UBE3D: variants seen among roughly 807,000 people sequenced by gnomAD.
UBE3D encodes the protein E3 ubiquitin-protein ligase E3D.
In UBE3D, 48 loss-of-function variants were observed where a neutral mutation model predicts 49.6. That is an observed-to-expected ratio of 0.97 (90% CI 0.77 to 1.23). The LOEUF (loss-of-function observed/expected upper bound fraction) is 1.23. Among genes scored for constraint, UBE3D ranks in the 50% most tolerant of loss-of-function variants. UBE3D has a pLI of 0.00. For synonymous variants in UBE3D, 189 were observed against 174.2 expected (o/e 1.08, Z -0.67); for missense variants, 452 against 468.4 (o/e 0.96, Z 0.32).
At chr6:82,945,643 T>G (rs1582428197) in intron 9 of UBE3D, among the ~76,000 whole-genome samples, 1 of 152,128 alleles carries the variant, frequency 6.6e-6, no homozygotes, top group Non-Finnish European at 1.5e-5. Flanking sequence ...CAGAAAAACA[T>G]GACCTCACCA....
chr6:82,920,474 A>T lies in UBE3D; in HGVS notation c.1150-27432T>A, dbSNP rs529335129. On this transcript the variant is annotated intron_variant, in intron 9 of 9. Transcript: ENST00000369747. ...ACACATTTTGCTGCCTTTTAAAATA[A>T]CAATGCACCAAATATAAACAGATTC... Among the ~76,000 whole-genome samples, 36 of 152,356 alleles carry T rather than the reference A, an allele frequency of 2.4e-4. No individual in the cohort carries two copies. In the Middle Eastern group the frequency reaches 0.01, roughly 43 times the overall value.
intron 9 of UBE3D, among the ~76,000 whole-genome samples, chr6:82,925,645 T>C (rs1479758264): frequency 1.3e-5 from 2 of 152,118 alleles, no homozygotes; most frequent in African/African-American, 4.8e-5. Flanking sequence ...CTGGATGGCA[T>C]GTTGGGCTCT....
At chr6:83,058,076 T>C (rs1218707579) in intron 1 of UBE3D, 54 bp from the exon 2 acceptor site, 16 of 1,576,580 alleles carry the variant, frequency 1.0e-5, no homozygotes, top group African/African-American at 1.4e-5. Context: ...GAAAACCACA[T>C]GATGAAAGAA....
chr6:83,029,575 T>G (rs989594919), intron 5 of UBE3D, among the ~76,000 whole-genome samples: 13 of 152,366 alleles, frequency 8.5e-5, no homozygotes, highest in Admixed American at 4.6e-4. Context: ...CTGTGCTTAC[T>G]AAGTACCTGC....
intron 9 of UBE3D, among the ~76,000 whole-genome samples, chr6:82,908,197 C>T (rs1271497756): frequency 6.6e-6 from 1 of 152,094 alleles, no homozygotes; most frequent in Non-Finnish European, 1.5e-5. Context: ...CGATTAACTG[C>T]AAGACACCTG....
At chr6:83,026,652 GACTAA>G (rs1023070463) in intron 5 of UBE3D, among the ~76,000 whole-genome samples, 2 of 151,990 alleles carry the variant, frequency 1.3e-5, no homozygotes, top group African/African-American at 2.4e-5. Flanking sequence ...TTACACGCAG[GACTAA>G]ACTAAACCTT....
chr6:82,928,868 TATGGAA>T (rs1773938058), intron 9 of UBE3D, among the ~76,000 whole-genome samples: 1 of 152,184 alleles, frequency 6.6e-6, no homozygotes, highest in South Asian at 2.1e-4. Flanking sequence ...TTGACTGTCT[TATGGAA>T]ATACTATTCT....
intron 6 of UBE3D, 119 bp downstream of exon 6, chr6:83,023,850 T>C (rs1781268778): frequency 1.6e-6 from 1 of 632,920 alleles, no homozygotes; most frequent in Non-Finnish European, 2.6e-6. Context: ...GCAAACATCA[T>C]CTGTTCCCAA....
intron 1 of UBE3D, among the ~76,000 whole-genome samples, chr6:83,058,578 T>C (rs963934007): frequency 1.3e-5 from 2 of 152,224 alleles, no homozygotes; most frequent in Admixed American, 6.5e-5. Flanking sequence ...AAGGCATCTA[T>C]GGAAATGACC....
chr6:82,924,732 C>T (rs1773617527), intron 9 of UBE3D: 2 of 152,048 alleles, frequency 1.3e-5, no homozygotes, highest in South Asian at 2.1e-4. Context: ...AAAATTTTTT[C>T]ATCCATTTAT....
the UBE3D span, among the ~76,000 whole-genome samples, chr6:82,881,467 G>A: frequency 1.3e-5 from 2 of 152,312 alleles, no homozygotes; most frequent in East Asian, 3.9e-4. Flanking sequence ...GGGTGCCTGA[G>A]CATCTGGTGA....
chr6:82,937,244 GA>G (rs2127751063), intron 9 of UBE3D, among the ~76,000 whole-genome samples: 1 of 152,282 alleles, frequency 6.6e-6, no homozygotes, highest in South Asian at 2.1e-4. Context: ...GGAGGCTTGA[GA>G]ACAGTTTCAC....
intron 1 of UBE3D, among the ~76,000 whole-genome samples, chr6:83,059,880 C>T (rs1375630510): frequency 2.0e-5 from 3 of 152,162 alleles, no homozygotes; most frequent in Non-Finnish European, 4.4e-5. Context: ...TGTCAAATCC[C>T]AAGACAGGTG....
intron 8 of UBE3D, among the ~76,000 whole-genome samples, chr6:82,990,738 G>A (rs915305464): frequency 2.6e-5 from 4 of 152,134 alleles, no homozygotes; most frequent in East Asian, 1.9e-4. Context: ...CTTTTCTCTC[G>A]CAACATATGG....
chr6:83,022,781 T>A (rs1249540964), intron 6 of UBE3D, among the ~76,000 whole-genome samples: 1 of 152,180 alleles, frequency 6.6e-6, no homozygotes, highest in Non-Finnish European at 1.5e-5. Context: ...TATTCTCCAA[T>A]CCTTGATACA....
chr6:82,956,751 G>C (rs1562120139), intron 9 of UBE3D, among the ~76,000 whole-genome samples: 1 of 152,164 alleles, frequency 6.6e-6, no homozygotes, highest in African/African-American at 2.4e-5. Flanking sequence ...GAGAAAGCCT[G>C]GAGTTATACA....
At chr6:83,053,604 C>T (rs1470638886) in intron 3 of UBE3D, among the ~76,000 whole-genome samples, 2 of 152,104 alleles carry the variant, frequency 1.3e-5, no homozygotes, top group East Asian at 3.8e-4. Flanking sequence ...AAGAGTCCTT[C>T]CCATCTCAAC....
At chr6:83,052,296 A>ACTACC (rs1783521432) in intron 3 of UBE3D, among the ~76,000 whole-genome samples, 1 of 152,184 alleles carries the variant, frequency 6.6e-6, no homozygotes. Context: ...CTCAGAAGGG[A>ACTACC]CTACCCTGTA....
At chr6:82,889,960 A>G (rs75484112), downstream of UBE3D, among the ~76,000 whole-genome samples, 3,212 of 151,662 alleles carry the variant, frequency 0.021, 117 homozygotes, top group African/African-American at 0.076. Flanking sequence ...ACTTGTTTAC[A>G]GCAGATTTTA....
Sources: gnomAD v4.1 joint callset for allele counts (sites outside exome capture counted in the v4.1 genomes callset) on GRCh38, gnomAD v4.1.1 for gene constraint, MANE v1.5 for transcripts, NCBI Gene and HGNC (gene_info 2026-07-23, HGNC 2026-07-21) for gene names.